The following TBC1D19 variants were observed in gnomAD, a reference collection of about 807,000 sequenced individuals.
TBC1D19 encodes the protein TBC1 domain family, member 19.
Under a neutral mutation model 89.0 loss-of-function variants are expected in TBC1D19, and 60 were observed. The observed-to-expected ratio is 0.67, with a 90% CI of 0.55 to 0.84. The LOEUF is 0.84. Among genes scored for constraint, TBC1D19 ranks in the 40% least tolerant of loss-of-function variants. The probability of loss-of-function intolerance (pLI) is 0.00; values close to 1 mark genes in which losing one functional copy is unlikely to be tolerated. For missense variants in TBC1D19, 500 were observed against 610.8 expected (o/e 0.82, Z 1.91); for synonymous variants, 189 against 199.7 (o/e 0.95, Z 0.45).
At chr4:26,708,658 AT>A (rs888170919) in intron 13 of TBC1D19, among the ~76,000 whole-genome samples, 50 of 151,574 alleles carry the variant, frequency 3.3e-4, no homozygotes, top group African/African-American at 1.1e-3. Context: ...GTTAACTTCA[AT>A]TTTTTTTCCT....
At chr4:26,701,553 TA>T (rs1715331602) in intron 13 of TBC1D19, among the ~76,000 whole-genome samples, 1 of 152,174 alleles carries the variant, frequency 6.6e-6, no homozygotes, top group Non-Finnish European at 1.5e-5. Flanking sequence ...TTGATGGGGT[TA>T]TCTTTTTCAT....
At chr4:26,774,304 T>A in the TBC1D19 span, among the ~76,000 whole-genome samples, 1 of 152,264 alleles carries the variant, frequency 6.6e-6, no homozygotes, top group African/African-American at 2.4e-5. Context: ...TCAGCTATGC[T>A]GATTCCTGGC....
the TBC1D19 span, among the ~76,000 whole-genome samples, chr4:26,770,537 TCCA>T: frequency 6.6e-6 from 1 of 152,042 alleles, no homozygotes; most frequent in Non-Finnish European, 1.5e-5. Context: ...TTCTACCTAT[TCCA>T]CCAATAATTG....
intron 13 of TBC1D19, among the ~76,000 whole-genome samples, chr4:26,700,348 T>G (rs1715214630): frequency 6.6e-6 from 1 of 152,190 alleles, no homozygotes; most frequent in African/African-American, 2.4e-5. Flanking sequence ...CCAAAGGTGA[T>G]GAAACTATCT....
At chr4:26,580,927 T>C (rs538187679), upstream of TBC1D19, among the ~76,000 whole-genome samples, 1 of 152,300 alleles carries the variant, frequency 6.6e-6, no homozygotes, top group African/African-American at 2.4e-5. Flanking sequence ...CACAGCATTA[T>C]ATGAAGAATA....
chr4:26,720,217 T>C, intron 15 of TBC1D19, 92 bp downstream of exon 15: 1 of 884,570 alleles, frequency 1.1e-6, no homozygotes, highest in Non-Finnish European at 1.7e-6. Context: ...CTTTAATGGA[T>C]AATCATTTAT....
intron 13 of TBC1D19, among the ~76,000 whole-genome samples, chr4:26,703,309 G>A (rs571605155): frequency 3.9e-5 from 6 of 152,150 alleles, no homozygotes; most frequent in East Asian, 1.9e-4. Flanking sequence ...TAATAAAAAC[G>A]TATGTAATTG....
At chr4:26,614,118 C>T (rs566145651) in intron 2 of TBC1D19, among the ~76,000 whole-genome samples, 1 of 152,266 alleles carries the variant, frequency 6.6e-6, no homozygotes, top group African/African-American at 2.4e-5. Context: ...ATTCATTGAG[C>T]ACTTTGATAG....
upstream of TBC1D19, among the ~76,000 whole-genome samples, chr4:26,581,918 G>C (rs1298808891): frequency 1.3e-5 from 2 of 151,384 alleles, no homozygotes; most frequent in African/African-American, 4.8e-5. Context: ...ATTATACTCC[G>C]ACACATCTGC....
intron 17 of TBC1D19, among the ~76,000 whole-genome samples, chr4:26,741,628 CTT>C (rs559984512): frequency 1.2e-4 from 17 of 141,446 alleles, no homozygotes; most frequent in Middle Eastern, 3.5e-3. Flanking sequence ...TGCCTCTGTC[CTT>C]TTTTTTTTTT....
intron 4 of TBC1D19, among the ~76,000 whole-genome samples, chr4:26,636,352 C>A (rs915663764): frequency 6.6e-6 from 1 of 151,672 alleles, no homozygotes; most frequent in Non-Finnish European, 1.5e-5. Context: ...ACTATTAAAA[C>A]TTAATTTCCA....
At chr4:26,577,585 A>G (rs1388542794) in intron 1 of TBC1D19, among the ~76,000 whole-genome samples, 1 of 152,252 alleles carries the variant, frequency 6.6e-6, no homozygotes, top group Non-Finnish European at 1.5e-5. Flanking sequence ...CCCCAGAAGC[A>G]GATGCTAAAA....
chr4:26,677,044 C>T (rs1178280218), intron 11 of TBC1D19, among the ~76,000 whole-genome samples: 2 of 152,136 alleles, frequency 1.3e-5, no homozygotes, highest in African/African-American at 4.8e-5. Context: ...ATCTCACAAG[C>T]ACCTCAAATT....
chr4:26,649,150 A>AT (rs145862761), intron 7 of TBC1D19, among the ~76,000 whole-genome samples: 140,526 of 151,540 alleles, frequency 0.93, 65,954 homozygotes, highest in Non-Finnish European at 1. Context: ...TTCTTTGCTA[A>AT]TTTTTTTTAA....
rs1741758907 is a variant in TBC1D19 at position 26,617,373 on chromosome 4, C to T, written c.218+2920C>T. Among the ~76,000 whole-genome samples the T allele has an allele frequency of 5.3e-5, 8 of 152,322 alleles. No individual in the cohort carries two copies. The South Asian group carries it at 1.4e-3, about 28-fold the overall frequency. Reference sequence around the variant, plus strand: ...CAAACCATGGCAGAAACTTAAGTAACTTGTTGAAGATCATATAGCTAGCAA... The same window carrying T: ...CAAACCATGGCAGAAACTTAAGTAATTTGTTGAAGATCATATAGCTAGCAA... On this transcript the variant is annotated intron_variant, in intron 3 of 20. Transcript: ENST00000264866.
At chr4:26,716,910 T>A (rs1716659008) in intron 13 of TBC1D19, among the ~76,000 whole-genome samples, 1 of 152,110 alleles carries the variant, frequency 6.6e-6, no homozygotes, top group Non-Finnish European at 1.5e-5. Flanking sequence ...CCTCCCAAAG[T>A]GCTGGGATCA....
chr4:26,820,834 A>G, the TBC1D19 span, among the ~76,000 whole-genome samples: 1 of 152,164 alleles, frequency 6.6e-6, no homozygotes, highest in Non-Finnish European at 1.5e-5. Context: ...AAAATATATT[A>G]TATGTTTAAC....
At chr4:26,769,866 A>G in the TBC1D19 span, among the ~76,000 whole-genome samples, 2 of 152,134 alleles carry the variant, frequency 1.3e-5, no homozygotes, top group Non-Finnish European at 2.9e-5. Flanking sequence ...CTTATTCTAT[A>G]TATACATGAA....
chr4:26,617,751 A>G (rs1024067754), intron 3 of TBC1D19, among the ~76,000 whole-genome samples: 9 of 152,238 alleles, frequency 5.9e-5, no homozygotes, highest in African/African-American at 2.2e-4. Context: ...TGTACAGAGC[A>G]GTTTATAAGA....
Sources: gnomAD v4.1 joint callset for allele counts (sites outside exome capture counted in the v4.1 genomes callset) on GRCh38, gnomAD v4.1.1 for gene constraint, MANE v1.5 for transcripts, NCBI Gene and HGNC (gene_info 2026-07-23, HGNC 2026-07-21) for gene names.